Variants in ULK4 observed in about 807,000 individuals in gnomAD.
ULK4 encodes unc-51 like kinase 4.
Under a neutral mutation model 160.6 loss-of-function variants are expected in ULK4, and 133 were observed. The observed-to-expected ratio is 0.83, with a 90% CI of 0.72 to 0.96. The LOEUF (loss-of-function observed/expected upper bound fraction) is 0.96. Among genes scored for constraint, ULK4 ranks in the 40% least tolerant of loss-of-function variants. The pLI is 0.00. For missense variants in ULK4, 1,580 were observed against 1,499.5 expected (o/e 1.05, Z -0.89); for synonymous variants, 534 against 539.8 (o/e 0.99, Z 0.15).
intron 29 of ULK4, among the ~76,000 whole-genome samples, chr3:41,668,269 A>G (rs2035415075): frequency 6.6e-6 from 1 of 152,244 alleles, no homozygotes; most frequent in African/African-American, 2.4e-5. Context: ...ATTCTGCTAA[A>G]TGAAAGGCTA....
At chr3:41,353,782 C>A (rs2080972282) in intron 35 of ULK4, among the ~76,000 whole-genome samples, 2 of 151,578 alleles carry the variant, frequency 1.3e-5, no homozygotes, top group African/African-American at 4.9e-5. Context: ...TGCTTTATAA[C>A]TTTCCTGGTC....
At chr3:41,583,226 T>C (rs1339562043) in intron 31 of ULK4, among the ~76,000 whole-genome samples, 5 of 152,198 alleles carry the variant, frequency 3.3e-5, no homozygotes, top group Admixed American at 3.3e-4. Flanking sequence ...ATGATGGAAA[T>C]AGTAAGAAAA....
chr3:41,313,210 T>G (rs2080083490), intron 35 of ULK4, among the ~76,000 whole-genome samples: 1 of 152,244 alleles, frequency 6.6e-6, no homozygotes, highest in Non-Finnish European at 1.5e-5. Flanking sequence ...AGTGGCAATG[T>G]GTTTTTCCAT....
chr3:41,604,718 T>A (rs1274561127), intron 31 of ULK4, among the ~76,000 whole-genome samples: 1 of 152,150 alleles, frequency 6.6e-6, no homozygotes, highest in Non-Finnish European at 1.5e-5. Context: ...GCAAGTTCAC[T>A]GTCAAGCTAC....
intron 22 of ULK4, among the ~76,000 whole-genome samples, chr3:41,727,043 A>G (rs1008004692): frequency 3.3e-5 from 5 of 152,058 alleles, no homozygotes; most frequent in African/African-American, 9.7e-5. Context: ...TATCTCTCTG[A>G]TTCATTCCCT....
At chr3:41,667,605 C>A (rs890505759) in intron 29 of ULK4, among the ~76,000 whole-genome samples, 1 of 150,622 alleles carries the variant, frequency 6.6e-6, no homozygotes, top group South Asian at 2.1e-4. Context: ...CTGGCCCATT[C>A]TGATGGACTA....
intron 31 of ULK4, among the ~76,000 whole-genome samples, chr3:41,567,572 G>A (rs1351585548): frequency 6.7e-6 from 1 of 148,876 alleles, no homozygotes; most frequent in Non-Finnish European, 1.5e-5. Flanking sequence ...TCAGCCTCCT[G>A]AGTAGGTGGG....
At chr3:41,831,517 T>A (rs1412416820) in intron 18 of ULK4, among the ~76,000 whole-genome samples, 3 of 132,652 alleles carry the variant, frequency 2.3e-5, no homozygotes, top group African/African-American at 3.3e-5. Context: ...TATTGTTATT[T>A]TATATATATA....
intron 30 of ULK4, among the ~76,000 whole-genome samples, chr3:41,657,407 C>T (rs568750030): frequency 2.2e-3 from 330 of 152,266 alleles, no homozygotes; most frequent in African/African-American, 7.6e-3. Context: ...CAACATGATG[C>T]TGTTGGATAC....
intron 21 of ULK4, among the ~76,000 whole-genome samples, chr3:41,761,143 T>C (rs1344962197): frequency 1.3e-5 from 2 of 152,204 alleles, no homozygotes; most frequent in East Asian, 1.9e-4. Context: ...TTTGGGAAAC[T>C]GGAATTGTTC....
intron 22 of ULK4, among the ~76,000 whole-genome samples, chr3:41,722,056 C>T (rs1358491087): frequency 1.3e-5 from 2 of 152,208 alleles, no homozygotes; most frequent in Non-Finnish European, 2.9e-5. Context: ...TAAACTCTTA[C>T]AAACTTCAGT....
rs556383394 is a variant in ULK4 at position 41,631,379 on chromosome 3, C to A, written c.3072-15662G>T. 9.2e-5 allele frequency among the ~76,000 whole-genome samples: 14 copies of A among 152,210 alleles called. No homozygotes were observed. The East Asian group carries it at 1.7e-3, about 19-fold the overall frequency. On this transcript the variant is annotated intron_variant, in intron 30 of 36. Coordinates refer to ENST00000301831, the MANE Select transcript of ULK4 (RefSeq NM_017886.4). Reference sequence around the variant, plus strand: ...TATACTCCAGTAGGCACAAAACGTACATAAAAATAACTTAATCCAAGTTAT... The same window carrying A: ...TATACTCCAGTAGGCACAAAACGTAAATAAAAATAACTTAATCCAAGTTAT...
intron 31 of ULK4, among the ~76,000 whole-genome samples, chr3:41,583,363 G>A (rs1402360694): frequency 6.6e-6 from 1 of 152,096 alleles, no homozygotes; most frequent in African/African-American, 2.4e-5. Context: ...GCATAAATAA[G>A]TCTCATTTAT....
chr3:41,960,994 A>G (rs1438121849), intron 1 of ULK4, among the ~76,000 whole-genome samples: 1 of 152,030 alleles, frequency 6.6e-6, no homozygotes, highest in East Asian at 1.9e-4. Context: ...CGTAGTCATC[A>G]CTTCCTTAGG....
intron 3 of ULK4, 57 bp from the exon 4 acceptor site, chr3:41,935,997 CTG>C (rs979764048): frequency 0.031 from 2,076 of 67,878 alleles, 18 homozygotes; most frequent in South Asian, 0.045. Flanking sequence ...CAGAGTGCCC[CTG>C]AGAGGTTCCA....
rs1348457478 is a variant in ULK4 at position 41,681,809 on chromosome 3, AAG to A, written c.2782-7_2782-6del. 1 of 1,613,812 alleles carries A rather than the reference AAG, an allele frequency of 6.2e-7. No homozygotes were observed. Among genetic ancestry groups the A allele is most frequent in the Non-Finnish European group, 8.5e-7 (1 of 1,179,886 alleles). On this transcript the variant is annotated splice_region_variant and splice_polypyrimidine_tract_variant and intron_variant, in intron 27 of 36. Transcript: ENST00000301831. ...TGGCAGTATATAGTCAACAACCTAAAAGAAAGCATGTAAAAGACTCAGAATCT... is the reference window on the plus strand; with the variant it reads ...TGGCAGTATATAGTCAACAACCTAAAAAAGCATGTAAAAGACTCAGAATCT...
At chr3:41,954,176 T>TAAAAA (rs11325222) in intron 2 of ULK4, among the ~76,000 whole-genome samples, 3 of 118,688 alleles carry the variant, frequency 2.5e-5, no homozygotes, top group Non-Finnish European at 5.0e-5. Context: ...GACTCCGTCT[T>TAAAAA]AAAAAAAAAA....
At chr3:41,845,428 A>G (rs2042047789) in intron 17 of ULK4, among the ~76,000 whole-genome samples, 1 of 152,238 alleles carries the variant, frequency 6.6e-6, no homozygotes, top group African/African-American at 2.4e-5. Context: ...ACCAACCACA[A>G]AAGGTTACAA....
At chr3:41,674,869 T>C (rs1325645957) in intron 29 of ULK4, among the ~76,000 whole-genome samples, 1 of 152,174 alleles carries the variant, frequency 6.6e-6, no homozygotes, top group Non-Finnish European at 1.5e-5. Flanking sequence ...AAATGCACCA[T>C]GGGTTGAGTA....
Sources: allele counts gnomAD v4.1 joint callset (sites outside exome capture counted in the v4.1 genomes callset), GRCh38; gene constraint gnomAD v4.1.1; transcripts MANE v1.5; gene names NCBI Gene and HGNC (gene_info 2026-07-23, HGNC 2026-07-21).